Variants in BCAR3 observed in about 807,000 individuals in gnomAD.
BCAR3 encodes the protein BCAR3 adaptor protein, NSP family member, also known as breast cancer anti-estrogen resistance protein 3.
In BCAR3, 37 loss-of-function variants were observed where a neutral mutation model predicts 80.1. The observed-to-expected ratio is 0.46, with a 90% CI of 0.36 to 0.61. The LOEUF (loss-of-function observed/expected upper bound fraction) is 0.61, where lower values mean the gene tolerates loss of function less well. Ranked by LOEUF, BCAR3 falls within the 20% of genes least tolerant of loss-of-function variation. BCAR3 has a pLI of 0.00. For synonymous variants in BCAR3, 389 were observed against 418.9 expected, an observed-to-expected ratio of 0.93 and a Z score of 0.87; for missense variants, 978 against 1,068.2, an observed-to-expected ratio of 0.92 and a Z score of 1.18.
At chr1:93,843,203 T>C (rs1655024696) in intron 2 of BCAR3, among the ~76,000 whole-genome samples, 1 of 152,214 alleles carries the variant, frequency 6.6e-6, no homozygotes, top group African/African-American at 2.4e-5. Context: ...GTCTTCAGTC[T>C]GAGAAGCTAA....
intron 2 of BCAR3, among the ~76,000 whole-genome samples, chr1:93,844,984 T>C (rs974428981): frequency 6.6e-6 from 1 of 152,172 alleles, no homozygotes; most frequent in Admixed American, 6.5e-5. Context: ...ATCTCTAATA[T>C]TTTCCATGAT....
At chr1:93,728,442 A>C (rs1382830675) in intron 2 of BCAR3, among the ~76,000 whole-genome samples, 1 of 152,208 alleles carries the variant, frequency 6.6e-6, no homozygotes, top group African/African-American at 2.4e-5. Flanking sequence ...CAGTTCAATT[A>C]GACCCTCTAC....
intron 11 of BCAR3, among the ~76,000 whole-genome samples, chr1:93,566,746 A>T (rs1194319239): frequency 6.6e-6 from 1 of 152,076 alleles, no homozygotes; most frequent in Non-Finnish European, 1.5e-5. Flanking sequence ...AAGTTGGCCA[A>T]TTCTTGTTCT....
chr1:93,775,435 G>T (rs1373997859), intron 2 of BCAR3: 1 of 152,232 alleles, frequency 6.6e-6, no homozygotes, highest in African/African-American at 2.4e-5. Flanking sequence ...CGCGCGGCTG[G>T]TGAGTCACAG....
chr1:93,723,836 G>T (rs963947189), intron 2 of BCAR3, among the ~76,000 whole-genome samples: 1 of 152,164 alleles, frequency 6.6e-6, no homozygotes, highest in Non-Finnish European at 1.5e-5. Context: ...AGGGCCTCTC[G>T]GCAGTTCTCT....
upstream of BCAR3, among the ~76,000 whole-genome samples, chr1:93,685,164 A>G (rs1216320897): frequency 1.3e-5 from 2 of 152,202 alleles, no homozygotes; most frequent in Non-Finnish European, 2.9e-5. Flanking sequence ...ATTTAAATAT[A>G]ATTTTTTGAC....
intron 2 of BCAR3, among the ~76,000 whole-genome samples, chr1:93,735,303 T>A (rs996023763): frequency 2.0e-5 from 3 of 152,216 alleles, no homozygotes; most frequent in African/African-American, 7.2e-5. Context: ...GCCTGGATTG[T>A]GGGATGATTT....
At chr1:93,839,646 T>C (rs912492917) in intron 2 of BCAR3, among the ~76,000 whole-genome samples, 5 of 152,226 alleles carry the variant, frequency 3.3e-5, no homozygotes, top group African/African-American at 1.2e-4. Flanking sequence ...ATTAGCAATA[T>C]AACTTTTCTT....
chr1:93,600,207 G>A (rs1674577690), intron 3 of BCAR3, among the ~76,000 whole-genome samples: 1 of 152,238 alleles, frequency 6.6e-6, no homozygotes, highest in Non-Finnish European at 1.5e-5. Context: ...CCCCAGTCCT[G>A]CCCTGTTCCT....
At chr1:93,695,326 T>A (rs1420368378) in intron 3 of BCAR3, among the ~76,000 whole-genome samples, 4 of 152,130 alleles carry the variant, frequency 2.6e-5, no homozygotes, top group Non-Finnish European at 5.9e-5. Flanking sequence ...TAAGCTCAAC[T>A]TCATCTAGAA....
intron 2 of BCAR3, among the ~76,000 whole-genome samples, chr1:93,800,622 G>A (rs1653444959): frequency 6.6e-6 from 1 of 152,080 alleles, no homozygotes; most frequent in Admixed American, 6.5e-5. Context: ...CAAGCATCAA[G>A]TTCTTTATTT....
intron 2 of BCAR3, among the ~76,000 whole-genome samples, chr1:93,672,897 A>G (rs1447226112): frequency 6.6e-6 from 1 of 152,170 alleles, no homozygotes; most frequent in East Asian, 1.9e-4. Context: ...TTGTTCGCCT[A>G]GCTTTGCACC....
chr1:93,659,948 A>AT (rs745996615), intron 2 of BCAR3, among the ~76,000 whole-genome samples: 53 of 152,242 alleles, frequency 3.5e-4, no homozygotes, highest in Non-Finnish European at 6.2e-4. Context: ...ATTCCCGTCT[A>AT]TGTCCCTTAC....
chr1:93,657,164 C>A (rs960623147), intron 2 of BCAR3, among the ~76,000 whole-genome samples: 1 of 152,100 alleles, frequency 6.6e-6, no homozygotes, highest in East Asian at 1.9e-4. Flanking sequence ...AGACTTGACC[C>A]GTGGTTATGG....
intron 5 of BCAR3, chr1:93,585,295 C>T: frequency 1.3e-6 from 1 of 774,814 alleles, no homozygotes; most frequent in Non-Finnish European, 1.6e-6. Flanking sequence ...TGGGGCAGGG[C>T]AGCAGGCCAT....
intron 2 of BCAR3, among the ~76,000 whole-genome samples, chr1:93,811,933 C>T (rs78454626): frequency 0.052 from 7,864 of 152,246 alleles, 283 homozygotes; most frequent in African/African-American, 0.093. Flanking sequence ...AACTGACATT[C>T]GCTACAAATC....
chr1:93,621,475 A>G (rs367617988), intron 3 of BCAR3, among the ~76,000 whole-genome samples: 33 of 152,318 alleles, frequency 2.2e-4, no homozygotes, highest in South Asian at 1.7e-3. Flanking sequence ...AGTGGCATGT[A>G]GGAAGGGAGG....
chr1:93,829,833 CAT>C (rs1343756835), intron 2 of BCAR3, among the ~76,000 whole-genome samples: 2 of 152,176 alleles, frequency 1.3e-5, no homozygotes, highest in Admixed American at 6.5e-5. Context: ...ACCCAAATCT[CAT>C]GTTCAACTGT....
At chr1:93,818,730 A>G (rs1330674447) in intron 2 of BCAR3, among the ~76,000 whole-genome samples, 1 of 152,234 alleles carries the variant, frequency 6.6e-6, no homozygotes, top group African/African-American at 2.4e-5. Context: ...TCTAGTGGAG[A>G]GACACAGACA....
Sources: allele counts gnomAD v4.1 joint callset (sites outside exome capture counted in the v4.1 genomes callset), GRCh38; gene constraint gnomAD v4.1.1; transcripts MANE v1.5; gene names NCBI Gene and HGNC (gene_info 2026-07-23, HGNC 2026-07-21).